Variants in ZNF141 observed in about 807,000 individuals in gnomAD.
ZNF141 encodes zinc finger protein 141.
Under a neutral mutation model 11.3 loss-of-function variants are expected in ZNF141, and 7 were observed. That is an observed-to-expected ratio of 0.62 (90% CI 0.35 to 1.16). The LOEUF is 1.16. Among genes scored for constraint, ZNF141 ranks in the 50% most tolerant of loss-of-function variants. The pLI is 0.02. For synonymous variants in ZNF141, 183 were observed against 190.7 expected (o/e 0.96, Z 0.33); for missense variants, 535 against 554.0 (o/e 0.97, Z 0.34).
rs554501309 is a variant in ZNF141, at chr4:375,168, TA to T, written c.*1311del. 24 of 152,248 alleles carry T rather than the reference TA, an allele frequency of 1.6e-4. No individual in the cohort carries two copies. The South Asian group carries it at 5.0e-3, about 32-fold the overall frequency. 9.4% of individuals were successfully genotyped at this position (152,248 alleles called of 1,614,324 possible). ...ACTAACTAGCAATGTTCATACTTAA[TA>T]AAAACATTATAAATGTAATTTCTGT... On this transcript the variant is annotated 3_prime_UTR_variant, in exon 4 of 4. Coordinates refer to ENST00000240499, the MANE Select transcript of ZNF141 (RefSeq NM_003441.4).
chr4:341,429 G>C (rs1215090254), intron 1 of ZNF141, among the ~76,000 whole-genome samples: 1 of 152,118 alleles, frequency 6.6e-6, no homozygotes, highest in African/African-American at 2.4e-5. Flanking sequence ...GTTATTATTT[G>C]TATTGTGTTT....
At chr4:360,220 G>T (rs1722043345) in intron 3 of ZNF141, among the ~76,000 whole-genome samples, 1 of 152,128 alleles carries the variant, frequency 6.6e-6, no homozygotes, top group South Asian at 2.1e-4. Flanking sequence ...GAAAGTGTGG[G>T]TAGGGAGCCT....
chr4:365,048 C>T (rs1359873314), intron 3 of ZNF141, among the ~76,000 whole-genome samples: 2 of 152,194 alleles, frequency 1.3e-5, no homozygotes, highest in Non-Finnish European at 2.9e-5. Flanking sequence ...GTGGACGCTC[C>T]TCCCCCTGCC....
At chr4:367,412 G>T (rs1203422967) in intron 3 of ZNF141, among the ~76,000 whole-genome samples, 6 of 152,038 alleles carry the variant, frequency 3.9e-5, no homozygotes, top group Admixed American at 3.9e-4. Context: ...TTTGTGTGTG[G>T]GAGAAACACT....
At chr4:356,657 G>A (rs372851170) in intron 3 of ZNF141, among the ~76,000 whole-genome samples, 2 of 152,098 alleles carry the variant, frequency 1.3e-5, no homozygotes, top group East Asian at 1.9e-4. Flanking sequence ...ATTTTAACAC[G>A]AATTTTGAGG....
intron 3 of ZNF141, among the ~76,000 whole-genome samples, chr4:358,770 T>A (rs1179962543): frequency 1.3e-5 from 2 of 151,930 alleles, no homozygotes; most frequent in African/African-American, 2.4e-5. Context: ...TAGAGACGGT[T>A]TCACCATGTT....
intron 3 of ZNF141, among the ~76,000 whole-genome samples, chr4:357,405 T>C (rs1721892614): frequency 6.7e-6 from 1 of 148,238 alleles, no homozygotes; most frequent in African/African-American, 2.5e-5. Flanking sequence ...AGTGATAGAG[T>C]GAGACTCTGT....
intron 3 of ZNF141, among the ~76,000 whole-genome samples, chr4:369,762 A>T (rs868985286): frequency 0.027 from 890 of 33,376 alleles, 20 homozygotes; most frequent in African/African-American, 0.078. Flanking sequence ...ATATATATAT[A>T]TATTTTTTTT....
rs1386948740 is a variant in ZNF141 at position 374,353 on chromosome 4, A to C, written c.*491A>C. On this transcript the variant is annotated 3_prime_UTR_variant, in exon 4 of 4. Transcript: ENST00000240499. ...ACCCTTAATGAACGTAAGTGAATTC[A>C]TGCTGGAGCAAAATGCTTCACATGC... The C allele has an allele frequency of 2.9e-6, 1 of 342,912 alleles. No individual in the cohort carries two copies. The highest frequency in any genetic ancestry group is 7.7e-5 in the East Asian group (1 of 13,028). 21.2% of individuals were successfully genotyped at this position (342,912 alleles called of 1,614,324 possible). A position where few individuals can be genotyped will look rare whatever the true frequency, so the allele number is the denominator to read the frequency against.
intron 3 of ZNF141, among the ~76,000 whole-genome samples, chr4:344,752 C>T (rs1240422362): frequency 2.0e-5 from 3 of 152,120 alleles, no homozygotes; most frequent in African/African-American, 7.2e-5. Context: ...CAAGATCACA[C>T]CACTGCACTC....
intron 3 of ZNF141, among the ~76,000 whole-genome samples, chr4:365,710 T>C (rs1322976487): frequency 6.6e-6 from 1 of 152,258 alleles, no homozygotes; most frequent in Non-Finnish European, 1.5e-5. Context: ...TTAAAAATTC[T>C]TTGCTCTGTA....
chr4:374,228 G>A lies in ZNF141; in HGVS notation c.*366G>A, dbSNP rs1320840286. The A allele has an allele frequency of 6.4e-6, 2 of 311,822 alleles. No individual in the cohort carries two copies. 19.3% of individuals were successfully genotyped at this position (311,822 alleles called of 1,614,324 possible). Reference sequence around the variant, plus strand: ...AGCCCTACACATGTGGCAGAATGTGGCAAAGCATTTAATTGGTCCTCAATG... The same window carrying A: ...AGCCCTACACATGTGGCAGAATGTGACAAAGCATTTAATTGGTCCTCAATG... On this transcript the variant is annotated 3_prime_UTR_variant, in exon 4 of 4. Transcript: ENST00000240499.
At chr4:366,242 T>C (rs1427362977) in intron 3 of ZNF141, among the ~76,000 whole-genome samples, 1 of 152,236 alleles carries the variant, frequency 6.6e-6, no homozygotes, top group Non-Finnish European at 1.5e-5. Context: ...ACTTTCGTAA[T>C]GTTTTTTCAA....
At chr4:362,357 T>G (rs1711536778) in intron 3 of ZNF141, among the ~76,000 whole-genome samples, 1 of 152,228 alleles carries the variant, frequency 6.6e-6, no homozygotes, top group African/African-American at 2.4e-5. Flanking sequence ...TAGTTTCTTT[T>G]GCTGTGCAGA....
At position 373,867 on chromosome 4, in the gene ZNF141, A is replaced by C. The variant is rs368567785; in HGVS notation, c.*5A>C. On this transcript the variant is annotated 3_prime_UTR_variant, in exon 4 of 4. Coordinates refer to ENST00000240499, the MANE Select transcript of ZNF141 (RefSeq NM_003441.4). ...CATAAGAAAATTCATACTTGAGAGA[A>C]ATCCTACAAATGTAAAGAATGTGGC... 1.9e-6 allele frequency: 3 copies of C among 1,592,438 alleles called. No individual in the cohort carries two copies. Among genetic ancestry groups the C allele is most frequent in the Non-Finnish European group, 2.6e-6 (3 of 1,167,980 alleles).
In ZNF141 at chr4:383,902, G is replaced by T. The variant is rs1712787215; in HGVS notation, c.*10040G>T. 6.6e-6 allele frequency: 1 copy of T among 152,240 alleles called. No homozygotes were observed. Among genetic ancestry groups the T allele is most frequent in the Non-Finnish European group, 1.5e-5 (1 of 68,062 alleles). 9.4% of individuals were successfully genotyped at this position (152,240 alleles called of 1,614,324 possible). On this transcript the variant is annotated 3_prime_UTR_variant, in exon 4 of 4. Coordinates refer to ENST00000240499, the MANE Select transcript of ZNF141 (RefSeq NM_003441.4). ...AGAAAACATTGTAACCGGGTCCTTG[G>T]GCGGCTTGCTGGGGCTCACACCCAC...
chr4:346,368 A>G lies in ZNF141; in HGVS notation c.226+1938A>G, dbSNP rs562600593. Among the ~76,000 whole-genome samples the G allele has an allele frequency of 1.8e-4, 28 of 152,312 alleles. No individual in the cohort carries two copies. In the South Asian group the frequency reaches 5.6e-3, roughly 30 times the overall value. ...TGTAACTTTATATTTAATGTGTACA[A>G]TGTAATGATTTGATATGCATCTACA... On this transcript the variant is annotated intron_variant, in intron 3 of 3. Transcript: ENST00000240499.
In ZNF141 at chr4:378,070, C is replaced by G. The variant is rs1358460587; in HGVS notation, c.*4208C>G. On this transcript the variant is annotated 3_prime_UTR_variant, in exon 4 of 4. Transcript: ENST00000240499. Reference sequence around the variant, plus strand: ...GTCCCAGCTACTCGGGAAGCTGAGGCAGGAGAATCGCTTGAACCCAGGATG... The same window carrying G: ...GTCCCAGCTACTCGGGAAGCTGAGGGAGGAGAATCGCTTGAACCCAGGATG... 6.6e-6 allele frequency: 1 copy of G among 151,962 alleles called. No homozygotes were observed. The highest frequency in any genetic ancestry group is 1.5e-5 in the Non-Finnish European group (1 of 68,050). The allele number at this position is 151,962 out of a possible 1,614,324, so 9.4% of individuals were successfully genotyped here. A position where few individuals can be genotyped will look rare whatever the true frequency, so the allele number is the denominator to read the frequency against.
At position 379,125 on chromosome 4, in the gene ZNF141, G is replaced by T. The variant is rs1553855082; in HGVS notation, c.*5263G>T. ...CCCAAAGTGCTGGGATTACCGGTGT[G>T]AGCCACTGTGCCCAGCCTCTCAGTG... On this transcript the variant is annotated 3_prime_UTR_variant, in exon 4 of 4. Coordinates refer to ENST00000240499, the MANE Select transcript of ZNF141 (RefSeq NM_003441.4). Among the ~76,000 whole-genome samples the T allele has an allele frequency of 6.6e-6, 1 of 152,026 alleles. No homozygotes were observed. The highest frequency in any genetic ancestry group is 1.5e-5 in the Non-Finnish European group (1 of 68,014).
Sources: gnomAD v4.1 joint callset for allele counts (sites outside exome capture counted in the v4.1 genomes callset) on GRCh38, gnomAD v4.1.1 for gene constraint, MANE v1.5 for transcripts, NCBI Gene and HGNC (gene_info 2026-07-23, HGNC 2026-07-21) for gene names.